The following DLG2 variants were observed in gnomAD, a reference collection of about 807,000 sequenced individuals.
DLG2 encodes the protein discs large MAGUK scaffold protein 2, also known as disks large homolog 2.
DLG2 carries 45 observed loss-of-function variants against 132.5 expected under a neutral mutation model. That is an observed-to-expected ratio of 0.34 (90% CI 0.27 to 0.44). The LOEUF (loss-of-function observed/expected upper bound fraction) is 0.44, where lower values mean the gene tolerates loss of function less well. Among genes scored for constraint, DLG2 ranks in the 20% least tolerant of loss-of-function variants. DLG2 has a pLI of 1.00. For synonymous variants in DLG2, 424 were observed against 419.6 expected, an observed-to-expected ratio of 1.01 and a Z score of -0.13; for missense variants, 1,045 against 1,196.9, an observed-to-expected ratio of 0.87 and a Z score of 1.87.
intron 6 of DLG2, among the ~76,000 whole-genome samples, chr11:84,875,863 G>T (rs1356227106): frequency 1.3e-5 from 2 of 152,038 alleles, no homozygotes; most frequent in African/African-American, 4.8e-5. Context: ...TCAGCCTCCT[G>T]AGTAACGAGG....
rs561251524 is a variant in DLG2 at position 84,934,530 on chromosome 11, T to G, written c.357+177131A>C. On this transcript the variant is annotated intron_variant, in intron 6 of 27. Transcript: ENST00000376104. The stretch of plus-strand genomic sequence containing the variant: ...TTTTTTTTTTGTTTTGTTTTGTTTT[T>G]TTTTTTTTTTTTTTTTGGTGGGTAG... Among the ~76,000 whole-genome samples the G allele has an allele frequency of 1.3e-3, 177 of 133,860 alleles. 3 individuals are homozygous for G. The highest frequency in any genetic ancestry group is 5.3e-3 in the South Asian group (21 of 3,960). The allele number at this position is 133,860 out of a possible 152,430, so 87.8% of individuals were successfully genotyped here.
At chr11:85,364,971 T>C (rs540878174) in intron 3 of DLG2, among the ~76,000 whole-genome samples, 38 of 152,078 alleles carry the variant, frequency 2.5e-4, no homozygotes, top group Non-Finnish European at 4.9e-4. Flanking sequence ...ATTAGAATTA[T>C]AGACGGGGGC....
chr11:85,307,237 G>A (rs761587026), intron 3 of DLG2, among the ~76,000 whole-genome samples: 8 of 151,976 alleles, frequency 5.3e-5, no homozygotes, highest in African/African-American at 1.2e-4. Context: ...AAAATGGAAC[G>A]GAAGAAAACT....
intron 11 of DLG2, among the ~76,000 whole-genome samples, chr11:83,991,211 C>A (rs2093692747): frequency 1.3e-5 from 2 of 152,146 alleles, no homozygotes; most frequent in Non-Finnish European, 2.9e-5. Context: ...ATTCCAAAGA[C>A]AAAATCTGAG....
At chr11:84,417,599 G>A (rs1182142618) in intron 7 of DLG2, among the ~76,000 whole-genome samples, 1 of 152,026 alleles carries the variant, frequency 6.6e-6, no homozygotes, top group Non-Finnish European at 1.5e-5. Flanking sequence ...ATTTGCTAGG[G>A]TGCCACAAAC....
chr11:84,849,796 T>G (rs946768903), intron 6 of DLG2, among the ~76,000 whole-genome samples: 2 of 152,154 alleles, frequency 1.3e-5, no homozygotes, highest in Non-Finnish European at 2.9e-5. Flanking sequence ...TTAGAAAGCT[T>G]GAACATCAAA....
chr11:85,153,139 C>A (rs557472029), intron 5 of DLG2, among the ~76,000 whole-genome samples: 7 of 152,080 alleles, frequency 4.6e-5, no homozygotes, highest in Non-Finnish European at 8.8e-5. Context: ...TATCTCATTT[C>A]AGGCACAATA....
chr11:85,020,152 T>C (rs1191583919), intron 6 of DLG2, among the ~76,000 whole-genome samples: 2 of 152,330 alleles, frequency 1.3e-5, no homozygotes, highest in Admixed American at 1.3e-4. Context: ...TTTTTAATGA[T>C]TGCCATTCTA....
intron 8 of DLG2, among the ~76,000 whole-genome samples, chr11:84,232,381 G>A (rs2097105334): frequency 6.6e-6 from 1 of 152,150 alleles, no homozygotes; most frequent in Non-Finnish European, 1.5e-5. Flanking sequence ...CCTGGCACAA[G>A]TAGGCATTCA....
chr11:85,394,805 C>A (rs757504993), intron 3 of DLG2, among the ~76,000 whole-genome samples: 1 of 152,110 alleles, frequency 6.6e-6, no homozygotes, highest in Non-Finnish European at 1.5e-5. Flanking sequence ...GCCCCAACAC[C>A]ATGAATGCCT....
intron 11 of DLG2, among the ~76,000 whole-genome samples, chr11:83,988,258 T>C (rs1052275260): frequency 3.9e-5 from 6 of 152,196 alleles, no homozygotes; most frequent in Admixed American, 3.9e-4. Flanking sequence ...AGGTTTATTA[T>C]AGTTTTGGCT....
intron 6 of DLG2, among the ~76,000 whole-genome samples, chr11:84,564,728 T>C (rs2099444315): frequency 6.6e-6 from 1 of 152,154 alleles, no homozygotes; most frequent in African/African-American, 2.4e-5. Flanking sequence ...ACCTAAGGTG[T>C]CTCCTAAGAG....
chr11:84,973,238 T>C (rs900184117), intron 6 of DLG2, among the ~76,000 whole-genome samples: 3 of 152,058 alleles, frequency 2.0e-5, no homozygotes, highest in African/African-American at 7.2e-5. Context: ...GGATTACAGG[T>C]GTGAGCCACC....
At position 84,985,053 on chromosome 11, in the gene DLG2, C is replaced by T. The variant is rs1478043862; in HGVS notation, c.357+126608G>A. 2.0e-5 allele frequency among the ~76,000 whole-genome samples: 3 copies of T among 152,144 alleles called. 1 individual carries two copies. The South Asian group carries it at 6.2e-4, about 32-fold the overall frequency. ...ACAATATTGGAGGACTTTACTACTA[C>T]ACCACTAGACAGATCATCAAGACAG... is the stretch of plus-strand genomic sequence containing the variant. On this transcript the variant is annotated intron_variant, in intron 6 of 27. Transcript: ENST00000376104.
intron 5 of DLG2, 72 bp from the exon 6 acceptor site, chr11:85,111,807 T>C: frequency 8.7e-7 from 1 of 1,155,878 alleles, no homozygotes; most frequent in Non-Finnish European, 1.2e-6. Flanking sequence ...AGCTGACATG[T>C]TTATTATCAA....
At chr11:84,825,226 T>G (rs1279364617) in intron 6 of DLG2, among the ~76,000 whole-genome samples, 1 of 151,856 alleles carries the variant, frequency 6.6e-6, no homozygotes, top group Non-Finnish European at 1.5e-5. Flanking sequence ...GTCAGCTTAA[T>G]GCTCACATGC....
chr11:85,517,482 A>G lies in DLG2; in HGVS notation c.40+81175T>C, dbSNP rs532840052. Reference sequence around the variant, plus strand: ...AACAGCATCCAAATTGAAAAAGAGGAAGTCAAATGATCTCTTCTTGGTGAT... The same window carrying G: ...AACAGCATCCAAATTGAAAAAGAGGGAGTCAAATGATCTCTTCTTGGTGAT... On this transcript the variant is annotated intron_variant, in intron 3 of 27. Coordinates refer to ENST00000376104, the MANE Select transcript of DLG2 (RefSeq NM_001142699.3). Among the ~76,000 whole-genome samples, 5 of 152,304 alleles carry G rather than the reference A, an allele frequency of 3.3e-5. No homozygotes were observed. In the South Asian group the frequency reaches 1.0e-3, roughly 32 times the overall value.
intron 8 of DLG2, among the ~76,000 whole-genome samples, chr11:84,238,893 C>T (rs145005912): frequency 5.1e-4 from 77 of 152,162 alleles, no homozygotes; most frequent in South Asian, 1.2e-3. Context: ...CATTTGTAAA[C>T]GACCACACTT....
At chr11:83,550,561 A>G (rs894473726) in intron 19 of DLG2, among the ~76,000 whole-genome samples, 6 of 152,190 alleles carry the variant, frequency 3.9e-5, no homozygotes, top group Non-Finnish European at 7.3e-5. Flanking sequence ...GCGCAGAGCC[A>G]GAACTCACTG....
Sources: allele counts gnomAD v4.1 joint callset (sites outside exome capture counted in the v4.1 genomes callset), GRCh38; gene constraint gnomAD v4.1.1; transcripts MANE v1.5; gene names NCBI Gene and HGNC (gene_info 2026-07-23, HGNC 2026-07-21).